ZNF554: variants seen among roughly 807,000 people sequenced by gnomAD.
ZNF554 encodes the protein zinc finger protein 554.
ZNF554 carries 15 observed loss-of-function variants against 21.2 expected under a neutral mutation model. That is an observed-to-expected ratio of 0.71 (90% CI 0.47 to 1.09). The LOEUF (loss-of-function observed/expected upper bound fraction) is 1.09, where lower values mean the gene tolerates loss of function less well. ZNF554 is among the 50% of genes least tolerant of loss of function. ZNF554 has a pLI of 0.00. For missense variants in ZNF554, 691 were observed against 662.7 expected (o/e 1.04, Z -0.47); for synonymous variants, 258 against 251.4 (o/e 1.03, Z -0.25).
Position 2,833,919 on chromosome 19 carries a change from G to C in ZNF554, c.684G>C (p.Leu228=). ...ATGGATTTGGGGAAAATGGTAATCT[G>C]AGCCCAGCCCTTGTTTTATCACAGG... ...AWHGFGENGN[L]SPALVLSQGS... The change falls in exon 5 of 5, where the codon CTG becomes CTC. Residue 228 remains leucine, a synonymous_variant. Transcript: ENST00000317243. 1 of 1,614,066 alleles carries C rather than the reference G, an allele frequency of 6.2e-7. No individual in the cohort carries two copies. The highest frequency in any genetic ancestry group is 8.5e-7 in the Non-Finnish European group (1 of 1,180,022).
chr19:2,828,373 C>G (rs1053134202), intron 3 of ZNF554, among the ~76,000 whole-genome samples: 2 of 152,168 alleles, frequency 1.3e-5, no homozygotes, highest in South Asian at 4.1e-4. Context: ...GTCAGAGTGT[C>G]TTAGTCCGTT....
Position 2,835,578 on chromosome 19 carries a change from G to A in ZNF554, c.*726G>A, listed in dbSNP as rs1317196110. ...CTGTCTTGGCCTCCCAAAGTGTTGG[G>A]ATTAGAAGCATGAGCCGCTGTGCCC... On this transcript the variant is annotated 3_prime_UTR_variant, in exon 5 of 5. Transcript: ENST00000317243. 2 of 152,104 alleles carry A rather than the reference G, an allele frequency of 1.3e-5. No homozygotes were observed. Among genetic ancestry groups the A allele is most frequent in the Non-Finnish European group, 2.9e-5 (2 of 68,038 alleles). The allele number at this position is 152,104 out of a possible 1,614,324, so 9.4% of individuals were successfully genotyped here.
In ZNF554 at chr19:2,834,321, G is replaced by A. The variant is rs61745522; in HGVS notation, c.1086G>A (p.Thr362=). Reference sequence around the variant, plus strand: ...GTCAGGAGTGTGGGCGAGCCTTTACGCACAGCTCCACCCTCACGCGCCATC... The same window carrying A: ...GTCAGGAGTGTGGGCGAGCCTTTACACACAGCTCCACCCTCACGCGCCATC... ...YECQECGRAF[T]HSSTLTRHLR... is the part of the protein sequence containing the mutation. The change falls in exon 5 of 5, where the codon ACG becomes ACA. Residue 362 remains threonine (T), a synonymous_variant. Transcript: ENST00000317243. 1.4e-4 allele frequency: 230 copies of A among 1,613,706 alleles called. No homozygotes were observed. Among genetic ancestry groups the A allele is most frequent in the South Asian group, 1.1e-3 (99 of 91,042 alleles).
chr19:2,833,947 A>G lies in ZNF554; in HGVS notation c.712A>G (p.Ser238Gly), dbSNP rs371867929. The change falls in exon 5 of 5, where the codon AGC becomes GGC. Residue 238 changes from serine to glycine, a missense_variant. Ser to Gly is a moderately conservative substitution (Grantham distance 56). Coordinates refer to ENST00000317243, the MANE Select transcript of ZNF554 (RefSeq NM_001102651.2). Reference sequence around the variant, plus strand: ...CCCAGCCCTTGTTTTATCACAGGGAAGCTCTAAAGGGAACCACTTGTGTGG... The same window carrying G: ...CCCAGCCCTTGTTTTATCACAGGGAGGCTCTAAAGGGAACCACTTGTGTGG... ...LSPALVLSQGSSKGNHLCGSE... is the reference protein window; with the variant it reads ...LSPALVLSQGGSKGNHLCGSE... 1 of 1,613,992 alleles carries G rather than the reference A, an allele frequency of 6.2e-7. No homozygotes were observed. The highest frequency in any genetic ancestry group is 1.3e-5 in the African/African-American group (1 of 74,940).
rs1339010533 is a variant in ZNF554 at position 2,834,099 on chromosome 19, T to G, written c.864T>G (p.Phe288Leu). The G allele has an allele frequency of 6.2e-7, 1 of 1,614,014 alleles. No individual in the cohort carries two copies. The highest frequency in any genetic ancestry group is 8.5e-7 in the Non-Finnish European group (1 of 1,180,046). ...CGNAIRQNSH[F>L]IQHGGKMFVY... The stretch of plus-strand genomic sequence containing the variant: ...ATGCCATCCGCCAGAACAGTCACTT[T>G]ATTCAACACGGGGGGAAGATGTTTG... The change falls in exon 5 of 5, where the codon TTT (phenylalanine) becomes TTG (leucine). Residue 288 changes from phenylalanine to leucine, a missense_variant. Phe to Leu is a conservative substitution (Grantham distance 22). Transcript: ENST00000317243.
At chr19:2,823,519 G>A (rs952565049) in intron 2 of ZNF554, among the ~76,000 whole-genome samples, 1 of 152,136 alleles carries the variant, frequency 6.6e-6, no homozygotes, top group African/African-American at 2.4e-5. Flanking sequence ...AGGTTGTCTG[G>A]TCGAGTGTTC....
Position 2,834,424 on chromosome 19 carries a change from C to T in ZNF554, c.1189C>T (p.Gln397Ter), listed in dbSNP as rs1378076699. 5.0e-6 allele frequency: 8 copies of T among 1,613,740 alleles called. No individual in the cohort carries two copies. The highest frequency in any genetic ancestry group is 2.7e-5 in the African/African-American group (2 of 74,854). The change falls in exon 5 of 5, where the codon CAG (glutamine) becomes TAG (stop). Residue 397 changes from glutamine to a stop codon, truncating the protein, a stop_gained. Transcript: ENST00000317243. LOFTEE classifies it low-confidence loss of function (END_TRUNC). ...KAFNRISSLT[Q>*]HQRIHTGEKP... ...CTTCAACAGGATCTCATCGCTGACTCAGCATCAGAGGATTCACACCGGGGA... is the reference window on the plus strand; with the variant it reads ...CTTCAACAGGATCTCATCGCTGACTTAGCATCAGAGGATTCACACCGGGGA...
intron 2 of ZNF554, among the ~76,000 whole-genome samples, chr19:2,826,756 G>A (rs2087340283): frequency 6.6e-6 from 1 of 151,294 alleles, no homozygotes; most frequent in South Asian, 2.1e-4. Context: ...CCACCTCCTG[G>A]GTTCATGCCA....
chr19:2,820,684 C>CTTTTTTTTTTTTTTTT lies in ZNF554; in HGVS notation c.53+561_53+576dup, dbSNP rs762586098. ...TCCTGGTGATAAGACAGCAAGGGTC[C>CTTTTTTTTTTTTTTTT]TTTTTTTTTTTTTTTTGAGACGGAG... On this transcript the variant is annotated intron_variant, in intron 1 of 4. Transcript: ENST00000317243. Among the ~76,000 whole-genome samples the CTTTTTTTTTTTTTTTT allele has an allele frequency of 9.7e-5, 10 of 103,166 alleles. 1 individual carries two copies. The highest frequency in any genetic ancestry group is 6.5e-4 in the South Asian group (2 of 3,086). The allele number at this position is 103,166 out of a possible 152,430, so 67.7% of individuals were successfully genotyped here.
intron 2 of ZNF554, 111 bp from the exon 3 acceptor site, chr19:2,827,506 C>A (rs1367984035): frequency 2.7e-5 from 38 of 1,382,520 alleles, no homozygotes; most frequent in Admixed American, 7.2e-5. Flanking sequence ...GACTTATGGA[C>A]TTTGCACCTT....
rs1161907686 is a variant in ZNF554 at position 2,821,737 on chromosome 19, G to T, written c.54-1303G>T. The stretch of plus-strand genomic sequence containing the variant: ...GCTGGAGTGCAGTGGCACGATCTCG[G>T]CTCACTGCAATCTCTACCCCACAGG... On this transcript the variant is annotated intron_variant, in intron 1 of 4. Transcript: ENST00000317243. This position sits in a 1 kb window ranked among gnomAD's most constrained non-coding sequence, Gnocchi z 8.2. Among the ~76,000 whole-genome samples, 1 of 152,050 alleles carries T rather than the reference G, an allele frequency of 6.6e-6. No homozygotes were observed. The highest frequency in any genetic ancestry group is 1.5e-5 in the Non-Finnish European group (1 of 68,008).
chr19:2,829,993 T>G (rs961643036), intron 3 of ZNF554, among the ~76,000 whole-genome samples: 6 of 151,294 alleles, frequency 4.0e-5, no homozygotes, highest in African/African-American at 1.2e-4. Context: ...GGCGTGATCT[T>G]GGCTCACTGC....
In ZNF554 at chr19:2,832,325, T is replaced by C; in HGVS notation, c.276T>C (p.Thr92=). The C allele has an allele frequency of 6.2e-7, 1 of 1,606,820 alleles. No homozygotes were observed. The highest frequency in any genetic ancestry group is 8.5e-7 in the Non-Finnish European group (1 of 1,177,640). The change falls in exon 4 of 5, where the codon ACT becomes ACC. Residue 92 remains threonine, a synonymous_variant. Coordinates refer to ENST00000317243, the MANE Select transcript of ZNF554 (RefSeq NM_001102651.2). ...CAGAAGCCTTGAAGAACCAATGTAC[T>C]GATGTGGGGATTAAAGAGGGTCCAC... ...VSLEALKNQC[T]DVGIKEGPLS...
intron 2 of ZNF554, 51 bp from the exon 3 acceptor site, chr19:2,827,566 A>G (rs1373714891): frequency 6.3e-7 from 1 of 1,579,246 alleles, no homozygotes; most frequent in Non-Finnish European, 8.6e-7. Flanking sequence ...TCCTCCCATG[A>G]ACGTGGGTGG....
At position 2,835,065 on chromosome 19, in the gene ZNF554, C is replaced by T; in HGVS notation, c.*213C>T. On this transcript the variant is annotated 3_prime_UTR_variant, in exon 5 of 5. Coordinates refer to ENST00000317243, the MANE Select transcript of ZNF554 (RefSeq NM_001102651.2). ...CCAGGCTGGAGTCCAGTGGCGTGAT[C>T]ATACCTCACTGCAGCTTCAACTTCC... 1 of 518,612 alleles carries T rather than the reference C, an allele frequency of 1.9e-6. No individual in the cohort carries two copies. Among genetic ancestry groups the T allele is most frequent in the East Asian group, 3.3e-5 (1 of 30,736 alleles). 32.1% of individuals were successfully genotyped at this position (518,612 alleles called of 1,614,324 possible).
At chr19:2,833,487 C>G (rs2087447479) in intron 4 of ZNF554, among the ~76,000 whole-genome samples, 194 bp from the exon 5 acceptor site, 1 of 152,184 alleles carries the variant, frequency 6.6e-6, no homozygotes, top group Admixed American at 6.6e-5. Context: ...CAATCTTCCA[C>G]TGCTGCATCT....
rs1599555017 is a variant in ZNF554, at chr19:2,834,648, A to G, written c.1413A>G (p.Arg471=). The G allele has an allele frequency of 6.2e-7, 1 of 1,613,940 alleles. No individual in the cohort carries two copies. Among genetic ancestry groups the G allele is most frequent in the East Asian group, 2.2e-5 (1 of 44,852 alleles). ...ENPYECKQCG[R]AFSQRSSLVR... ...CCTATGAATGTAAGCAGTGTGGGAG[A>G]GCCTTCAGCCAGAGGTCTTCCCTTG... The change falls in exon 5 of 5, where the codon AGA becomes AGG. Residue 471 remains arginine (R), a synonymous_variant. Transcript: ENST00000317243.
Position 2,827,692 on chromosome 19 carries a change from A to G in ZNF554, c.202A>G (p.Asn68Asp). 6.2e-7 allele frequency: 1 copy of G among 1,614,142 alleles called. No homozygotes were observed. The highest frequency in any genetic ancestry group is 1.6e-4 in the Middle Eastern group (1 of 6,062). The stretch of plus-strand genomic sequence containing the variant: ...GGAGTTGCTGGAGCCTGCTCAGAAG[A>G]ACCTGTACAGAGAGGTGATGCTGGA... ...EWELLEPAQK[N>D]LYREVMLENY... The change falls in exon 3 of 5, where the codon AAC becomes GAC. Residue 68 changes from asparagine (N) to aspartate (D), a missense_variant. By Grantham distance (23) the Asn-to-Asp change is conservative. Transcript: ENST00000317243.
chr19:2,824,653 G>T (rs1159842758), intron 2 of ZNF554, among the ~76,000 whole-genome samples: 1 of 152,200 alleles, frequency 6.6e-6, no homozygotes, highest in African/African-American at 2.4e-5. Context: ...CTTAGCTGTT[G>T]ATAAAACACA....
Sources: allele counts gnomAD v4.1 joint callset (sites outside exome capture counted in the v4.1 genomes callset), GRCh38; gene constraint gnomAD v4.1.1; non-coding constraint Gnocchi (gnomAD v3.1); transcripts MANE v1.5; gene names NCBI Gene and HGNC (gene_info 2026-07-23, HGNC 2026-07-21).